The following LPAR6 variants were observed in gnomAD, a reference collection of about 807,000 sequenced individuals.
LPAR6 encodes lysophosphatidic acid receptor 6.
A neutral mutation model predicts 22.0 loss-of-function variants in LPAR6; 17 were observed. That is an observed-to-expected ratio of 0.77 (90% CI 0.53 to 1.16). The LOEUF is 1.16. Ranked by LOEUF, LPAR6 falls within the 50% of genes most tolerant of loss-of-function variation. The pLI, the probability that LPAR6 is intolerant of heterozygous loss-of-function variation, is 0.00. For synonymous variants in LPAR6, 136 were observed against 139.8 expected (o/e 0.97, Z 0.19); for missense variants, 384 against 406.9 (o/e 0.94, Z 0.48).
chr13:48,395,052 C>G (rs1016054685), intron 1 of LPAR6, among the ~76,000 whole-genome samples: 1 of 150,750 alleles, frequency 6.6e-6, no homozygotes, highest in Admixed American at 6.6e-5. Context: ...GAGGAAGGAA[C>G]AGGCAGCAAT....
chr13:48,411,442 G>T lies in LPAR6; in HGVS notation c.982C>A (p.His328Asn). Residue 328 changes from histidine to asparagine, a missense_variant, in exon 1 of 1, where the codon CAT becomes AAT. By Grantham distance (68) the His-to-Asn change is moderately conservative (BLOSUM62 1). Transcript: ENST00000620633. Reference protein sequence around the residue: ...EVHGAENFIQHNLQTLKSKIF... With the variant: ...EVHGAENFIQNNLQTLKSKIF... ...TTACTTTTTAAGGTCTGTAGGTTAT[G>T]CTGAATAAAATTCTCTGCACCATGA... is the stretch of plus-strand genomic sequence containing the variant. 6.2e-7 allele frequency: 1 copy of T among 1,613,228 alleles called. No individual in the cohort carries two copies. The highest frequency in any genetic ancestry group is 8.5e-7 in the Non-Finnish European group (1 of 1,179,664).
intron 1 of LPAR6, among the ~76,000 whole-genome samples, chr13:48,443,621 C>T (rs921006358): frequency 6.6e-6 from 1 of 152,110 alleles, no homozygotes; most frequent in Non-Finnish European, 1.5e-5. Context: ...AAGTAAAAGA[C>T]ACATCATTCT....
intron 1 of LPAR6, among the ~76,000 whole-genome samples, chr13:48,398,413 T>C (rs1336433042): frequency 6.6e-6 from 1 of 152,138 alleles, no homozygotes; most frequent in Non-Finnish European, 1.5e-5. Flanking sequence ...AATGCAACTT[T>C]GCTTCCCACT....
chr13:48,440,058 A>G (rs967933564), intron 1 of LPAR6, among the ~76,000 whole-genome samples: 2 of 152,154 alleles, frequency 1.3e-5, no homozygotes, highest in African/African-American at 4.8e-5. Flanking sequence ...GTAGGATTAC[A>G]TTAGAATCTG....
upstream of LPAR6, chr13:48,429,212 T>G (rs1949105777): frequency 6.6e-6 from 1 of 152,174 alleles, no homozygotes; most frequent in African/African-American, 2.4e-5. Flanking sequence ...CAGAAAATAT[T>G]GTAGACTTAG....
chr13:48,425,458 A>G (rs776711492), intron 1 of LPAR6, among the ~76,000 whole-genome samples: 2 of 152,244 alleles, frequency 1.3e-5, no homozygotes, highest in African/African-American at 2.4e-5. Flanking sequence ...TTAGTTGGGT[A>G]AGGCTAGGTG....
chr13:48,393,702 C>A (rs956914775), intron 1 of LPAR6, among the ~76,000 whole-genome samples: 1 of 152,072 alleles, frequency 6.6e-6, no homozygotes, highest in Non-Finnish European at 1.5e-5. Context: ...CTGACTGATG[C>A]ATTATACTGT....
intron 1 of LPAR6, among the ~76,000 whole-genome samples, chr13:48,441,326 T>C (rs573799330): frequency 6.6e-6 from 1 of 152,326 alleles, no homozygotes; most frequent in Admixed American, 6.5e-5. Flanking sequence ...TGAAGACCCT[T>C]ATGTTACCTT....
chr13:48,410,781 GC>G (rs1218897357), downstream of LPAR6, among the ~76,000 whole-genome samples: 14 of 152,026 alleles, frequency 9.2e-5, no homozygotes, highest in Admixed American at 2.6e-4. Context: ...TCTACAAATT[GC>G]CTACACAGAC....
intron 1 of LPAR6, among the ~76,000 whole-genome samples, chr13:48,437,979 A>C (rs965451392): frequency 1.3e-5 from 2 of 152,126 alleles, no homozygotes; most frequent in Non-Finnish European, 2.9e-5. Flanking sequence ...GCTGTAGTTA[A>C]TTTGACTCAT....
Position 48,412,253 on chromosome 13 carries a change from A to G in LPAR6, c.171T>C (p.Ile57=). The G allele has an allele frequency of 1.9e-6, 3 of 1,614,142 alleles. No homozygotes were observed. The highest frequency in any genetic ancestry group is 2.5e-6 in the Non-Finnish European group (3 of 1,179,992). Residue 57 remains isoleucine (I), a synonymous_variant, in exon 1 of 1, where the codon ATT becomes ATC. Transcript: ENST00000620633. ...KVRNETTTYM[I]NLAMSDLLFV... ...AAAGCAAGTCTGACATTGCCAAGTT[A>G]ATCATGTAAGTTGTAGTTTCATTTC...
downstream of LPAR6, among the ~76,000 whole-genome samples, chr13:48,409,438 TG>T (rs1332565539): frequency 1.3e-5 from 2 of 152,120 alleles, no homozygotes; most frequent in African/African-American, 4.8e-5. Flanking sequence ...AAGAGTTTTT[TG>T]TCCAAGTTGT....
chr13:48,402,911 TAA>T (rs1334860034), intron 1 of LPAR6, among the ~76,000 whole-genome samples: 1 of 152,152 alleles, frequency 6.6e-6, no homozygotes, highest in Non-Finnish European at 1.5e-5. Flanking sequence ...TTTTTAGTGC[TAA>T]GTCTTAAGTA....
upstream of LPAR6, among the ~76,000 whole-genome samples, chr13:48,430,637 G>T (rs1949119857): frequency 6.6e-6 from 1 of 152,180 alleles, no homozygotes; most frequent in South Asian, 2.1e-4. Flanking sequence ...ATACTCGGAA[G>T]GCTGAGGCAG....
At chr13:48,443,991 G>C (rs1949263348) in intron 1 of LPAR6, among the ~76,000 whole-genome samples, 1 of 152,098 alleles carries the variant, frequency 6.6e-6, no homozygotes, top group South Asian at 2.1e-4. Flanking sequence ...CAAAATGTGT[G>C]GGTTTTTTTC....
chr13:48,440,176 C>T (rs1303278085), intron 1 of LPAR6, among the ~76,000 whole-genome samples: 2 of 152,046 alleles, frequency 1.3e-5, no homozygotes, highest in Admixed American at 6.5e-5. Context: ...TCCTTGGGGA[C>T]TCTGATATAT....
intron 1 of LPAR6, among the ~76,000 whole-genome samples, chr13:48,441,240 G>A (rs1050714571): frequency 3.3e-5 from 5 of 152,182 alleles, no homozygotes; most frequent in Admixed American, 6.5e-5. Flanking sequence ...AAGGGACAAG[G>A]CAGCTCTCTG....
intron 1 of LPAR6, among the ~76,000 whole-genome samples, chr13:48,392,513 T>TC (rs1948618759): frequency 6.6e-6 from 1 of 152,216 alleles, no homozygotes; most frequent in African/African-American, 2.4e-5. Flanking sequence ...ATTTTTTTCT[T>TC]CTGAGGTATC....
downstream of LPAR6, among the ~76,000 whole-genome samples, chr13:48,409,930 C>T (rs2138194692): frequency 6.6e-6 from 1 of 152,106 alleles, no homozygotes; most frequent in East Asian, 1.9e-4. Context: ...TTTTAGTGTA[C>T]TTGGTACTTT....
Sources: gnomAD v4.1 joint callset for allele counts (sites outside exome capture counted in the v4.1 genomes callset) on GRCh38, gnomAD v4.1.1 for gene constraint, MANE v1.5 for transcripts, NCBI Gene and HGNC (gene_info 2026-07-23, HGNC 2026-07-21) for gene names.